The following STK32C variants were observed in gnomAD, a reference collection of about 807,000 sequenced individuals.
STK32C encodes the protein serine/threonine kinase 32C, also known as serine/threonine-protein kinase 32C.
A neutral mutation model predicts 56.5 loss-of-function variants in STK32C; 31 were observed. The observed-to-expected ratio is 0.55, with a 90% CI of 0.41 to 0.74. The LOEUF (loss-of-function observed/expected upper bound fraction) is 0.74, where lower values mean the gene tolerates loss of function less well. STK32C is among the 30% of genes least tolerant of loss of function. The pLI, the probability that STK32C is intolerant of heterozygous loss-of-function variation, is 0.00. For missense variants in STK32C, 544 were observed against 676.9 expected (o/e 0.80, Z 2.18); for synonymous variants, 309 against 289.4 (o/e 1.07, Z -0.69).
At chr10:132,308,160 A>C (rs2066144371), upstream of STK32C, among the ~76,000 whole-genome samples, 2 of 151,324 alleles carry the variant, frequency 1.3e-5, no homozygotes, top group Non-Finnish European at 3.0e-5. Flanking sequence ...GAGTGTCGCT[A>C]GGGAGTGGGT....
At chr10:132,212,382 A>G (rs975881871) in intron 10 of STK32C, among the ~76,000 whole-genome samples, 1 of 152,246 alleles carries the variant, frequency 6.6e-6, no homozygotes. Context: ...GAGAGAATGA[A>G]GCTGGACCCT....
rs1461802884 is a variant in STK32C, at chr10:132,207,570, AC to A, written c.*439del. ...CAGTTTGAATCTCTAGAAAACATTCACCTCCCCACCCACTACCCCAACCCAT... is the reference window on the plus strand; with the variant it reads ...CAGTTTGAATCTCTAGAAAACATTCACTCCCCACCCACTACCCCAACCCAT... On this transcript the variant is annotated 3_prime_UTR_variant, in exon 12 of 12. Coordinates refer to ENST00000298630, the MANE Select transcript of STK32C (RefSeq NM_173575.4). The A allele has an allele frequency of 1.8e-5, 3 of 164,680 alleles. No homozygotes were observed. The highest frequency in any genetic ancestry group is 7.1e-5 in the African/African-American group (3 of 41,960). The allele number at this position is 164,680 out of a possible 1,614,324, so 10.2% of individuals were successfully genotyped here.
intron 2 of STK32C, among the ~76,000 whole-genome samples, chr10:132,230,679 C>CGGGG (rs377544275): frequency 1.8e-3 from 89 of 49,626 alleles, no homozygotes; most frequent in South Asian, 0.012. Context: ...GGGAAGCTGG[C>CGGGG]GGGGGGGGGG....
At chr10:132,235,493 T>TCAGAAAAA (rs1565091831) in intron 2 of STK32C, among the ~76,000 whole-genome samples, 1 of 72,410 alleles carries the variant, frequency 1.4e-5, no homozygotes, top group African/African-American at 5.1e-5. Flanking sequence ...AGACTCAGCC[T>TCAGAAAAA]TAAAAAAAAA....
downstream of STK32C, among the ~76,000 whole-genome samples, chr10:132,322,122 A>G (rs1441882832): frequency 2.6e-5 from 4 of 152,224 alleles, no homozygotes; most frequent in Admixed American, 2.6e-4. Context: ...CACTCATCTG[A>G]AATACAATCT....
chr10:132,214,062 C>G (rs1364829469), intron 10 of STK32C, among the ~76,000 whole-genome samples: 3 of 151,804 alleles, frequency 2.0e-5, no homozygotes, highest in African/African-American at 7.3e-5. Flanking sequence ...AATTGGATTT[C>G]CAGCAGGAGA....
chr10:132,330,366 T>TTTCTTCCATCCC (rs2066628473), intron 1 of STK32C: 2 of 696,752 alleles, frequency 2.9e-6, no homozygotes, highest in African/African-American at 3.5e-5. Flanking sequence ...CGTGCTGAAA[T>TTTCTTCCATCCC]CTTCCATCCC....
chr10:132,285,333 C>T (rs2065368459), intron 1 of STK32C, among the ~76,000 whole-genome samples: 1 of 152,208 alleles, frequency 6.6e-6, no homozygotes, highest in African/African-American at 2.4e-5. Context: ...CAGATGGAAA[C>T]ACAGAGAAAA....
Position 132,255,313 on chromosome 10 carries a change from C to T in STK32C, c.263-9358G>A, listed in dbSNP as rs549516060. 9.2e-5 allele frequency among the ~76,000 whole-genome samples: 14 copies of T among 152,268 alleles called. No individual in the cohort carries two copies. The highest frequency in any genetic ancestry group is 1.9e-4 in the Non-Finnish European group (13 of 68,016). The stretch of plus-strand genomic sequence containing the variant: ...CCAGGTGGAAGAGTTGGAACCGGCC[C>T]GATAGCTCCTCCTGGCAATGGGTGC... On this transcript the variant is annotated intron_variant, in intron 1 of 11. Coordinates refer to ENST00000298630, the MANE Select transcript of STK32C (RefSeq NM_173575.4). This position sits in a 1 kb window ranked among gnomAD's most constrained non-coding sequence, Gnocchi z 4.6.
intron 1 of STK32C, among the ~76,000 whole-genome samples, chr10:132,290,882 G>A (rs1242071693): frequency 2.6e-5 from 4 of 151,844 alleles, no homozygotes; most frequent in African/African-American, 9.7e-5. Context: ...GGGCCACCAT[G>A]TCCAGGGATA....
intron 1 of STK32C, among the ~76,000 whole-genome samples, chr10:132,267,701 A>C (rs1374991385): frequency 8.0e-6 from 1 of 125,618 alleles, no homozygotes; most frequent in Non-Finnish European, 1.6e-5. Flanking sequence ...ATGCAGGTTC[A>C]GCTCTATGTC....
intron 1 of STK32C, among the ~76,000 whole-genome samples, chr10:132,300,715 G>A (rs886753489): frequency 1.3e-5 from 2 of 152,210 alleles, no homozygotes; most frequent in Non-Finnish European, 2.9e-5. Flanking sequence ...GGGCAGGCAG[G>A]AGACCTGTAA....
chr10:132,263,930 T>G (rs1363637749), intron 1 of STK32C, among the ~76,000 whole-genome samples: 1 of 149,626 alleles, frequency 6.7e-6, no homozygotes, highest in Non-Finnish European at 1.5e-5. Flanking sequence ...TGACACATGG[T>G]CCAAGCTGGA....
chr10:132,314,023 G>C (rs1564800197), intron 1 of STK32C, among the ~76,000 whole-genome samples: 1 of 152,172 alleles, frequency 6.6e-6, no homozygotes, highest in Non-Finnish European at 1.5e-5. Context: ...CATCCTACCT[G>C]GCCAAGCAGG....
At chr10:132,268,125 C>T (rs555197729) in intron 1 of STK32C, among the ~76,000 whole-genome samples, 1 of 121,592 alleles carries the variant, frequency 8.2e-6, no homozygotes, top group African/African-American at 3.2e-5. Flanking sequence ...GCAGCTGTGC[C>T]TGCGTGCATG....
intron 2 of STK32C, among the ~76,000 whole-genome samples, chr10:132,242,026 C>T (rs915298527): frequency 6.6e-6 from 1 of 152,092 alleles, no homozygotes; most frequent in African/African-American, 2.4e-5. Flanking sequence ...ATGAGAATCA[C>T]TTGAACCTGG....
chr10:132,222,608 G>A lies in STK32C; in HGVS notation c.1251+33C>T, dbSNP rs745622860. ...TAGAGAGGAGCCCCAAGCCCAGCCC[G>A]CCGCCGCGCCCTGAGCCTGCCCTGG... On this transcript the variant is annotated intron_variant, in intron 10 of 11. Transcript: ENST00000298630. 2.7e-5 allele frequency: 44 copies of A among 1,605,884 alleles called. No individual in the cohort carries two copies. In the Admixed American group the frequency reaches 2.9e-4, roughly 10 times the overall value.
chr10:132,290,667 C>T (rs1273802942), intron 1 of STK32C, among the ~76,000 whole-genome samples: 2 of 152,238 alleles, frequency 1.3e-5, no homozygotes, highest in East Asian at 1.9e-4. Flanking sequence ...GTCCAGCATG[C>T]TGTGTCCTGA....
At chr10:132,236,279 C>T (rs1398464255) in intron 2 of STK32C, among the ~76,000 whole-genome samples, 3 of 152,228 alleles carry the variant, frequency 2.0e-5, no homozygotes, top group Non-Finnish European at 2.9e-5. Context: ...TCTGGGCCCA[C>T]GCGGAGGCCC....
Sources: gnomAD v4.1 joint callset for allele counts (sites outside exome capture counted in the v4.1 genomes callset) on GRCh38, gnomAD v4.1.1 for gene constraint, Gnocchi (gnomAD v3.1) non-coding constraint, MANE v1.5 for transcripts, NCBI Gene and HGNC (gene_info 2026-07-23, HGNC 2026-07-21) for gene names.